The following RABL6 variants were observed in gnomAD, a reference collection of about 807,000 sequenced individuals.
RABL6 encodes rab-like protein 6.
A neutral mutation model predicts 72.9 loss-of-function variants in RABL6; 28 were observed. The ratio of observed to expected loss-of-function variants is 0.38; its 90% CI spans 0.28 to 0.53. The LOEUF is 0.53. RABL6 is among the 20% of genes least tolerant of loss of function. The pLI, the probability that RABL6 is intolerant of heterozygous loss-of-function variation, is 0.80. For missense variants in RABL6, 1,029 were observed against 1,008.4 expected (o/e 1.02, Z -0.28); for synonymous variants, 477 against 421.2 (o/e 1.13, Z -1.62).
chr9:136,817,001 CTGTA>C (rs1347245310), intron 1 of RABL6, among the ~76,000 whole-genome samples: 2 of 152,146 alleles, frequency 1.3e-5, no homozygotes, highest in African/African-American at 4.8e-5. Context: ...CTAGTCAAGA[CTGTA>C]TGCCCATGAT....
Position 136,839,741 on chromosome 9 carries a change from T to C in RABL6, c.1806T>C (p.Asp602=). 2 of 1,610,142 alleles carry C rather than the reference T, an allele frequency of 1.2e-6. No individual in the cohort carries two copies. The highest frequency in any genetic ancestry group is 1.7e-6 in the Non-Finnish European group (2 of 1,178,214). Reference sequence around the variant, plus strand: ...ACCCCTCCGATGTGACTGACGAGGATGAGGGCCCTGCCGAGCCGCCCCCAC... The same window carrying C: ...ACCCCTCCGATGTGACTGACGAGGACGAGGGCCCTGCCGAGCCGCCCCCAC... ...RDDPSDVTDE[D]EGPAEPPPPP... is the part of the protein sequence containing the mutation. The change falls in exon 13 of 15, where the codon GAT becomes GAC. Residue 602 remains aspartate (D), a synonymous_variant. Coordinates refer to ENST00000311502, the MANE Select transcript of RABL6 (RefSeq NM_024718.5).
Position 136,839,204 on chromosome 9 carries a change from C to T in RABL6, c.1494-18C>T. On this transcript the variant is annotated intron_variant, in intron 11 of 14. Transcript: ENST00000311502. ...CGCCTCCAGAGGACCCTGACTGACCCTCTGCTTGTCCACAAAGGTCCTCCA... is the reference window on the plus strand; with the variant it reads ...CGCCTCCAGAGGACCCTGACTGACCTTCTGCTTGTCCACAAAGGTCCTCCA... 3 of 1,594,842 alleles carry T rather than the reference C, an allele frequency of 1.9e-6. No individual in the cohort carries two copies. Among genetic ancestry groups the T allele is most frequent in the East Asian group, 2.3e-5 (1 of 44,052 alleles).
Position 136,840,953 on chromosome 9 carries a change from C to T in RABL6, c.*431C>T, listed in dbSNP as rs1005845322. The T allele has an allele frequency of 7.8e-5, 114 of 1,458,580 alleles. No individual in the cohort carries two copies. The highest frequency in any genetic ancestry group is 1.0e-4 in the African/African-American group (7 of 70,066). 90.4% of individuals were successfully genotyped at this position (1,458,580 alleles called of 1,614,324 possible). On this transcript the variant is annotated 3_prime_UTR_variant, in exon 15 of 15. Transcript: ENST00000311502. ...CGCAGCATGCCTATGGTTCCGCTTC[C>T]GGCCGGGAGCCCTGAACACGGGTGT...
intron 2 of RABL6, among the ~76,000 whole-genome samples, chr9:136,824,837 G>A (rs1445556651): frequency 1.3e-5 from 2 of 152,192 alleles, no homozygotes; most frequent in Admixed American, 6.5e-5. Context: ...GAGCCCACAG[G>A]GCCGGCGCAC....
intron 5 of RABL6, among the ~76,000 whole-genome samples, chr9:136,829,772 T>C (rs186601495): frequency 1.3e-5 from 2 of 152,248 alleles, no homozygotes; most frequent in African/African-American, 4.8e-5. Context: ...TGAAAACCCA[T>C]CTGAGACTTG....
At chr9:136,820,268 G>A (rs2131170868) in intron 1 of RABL6, among the ~76,000 whole-genome samples, 1 of 152,212 alleles carries the variant, frequency 6.6e-6, no homozygotes, top group East Asian at 1.9e-4. Context: ...GGGAGGCTAA[G>A]GTGGGAGGAT....
At chr9:136,821,884 G>C in intron 1 of RABL6, 1 of 1,272,696 alleles carries the variant, frequency 7.9e-7, no homozygotes, top group Non-Finnish European at 1.0e-6. Context: ...CCCCCAGCCG[G>C]TGCGGCCGCC....
intron 1 of RABL6, among the ~76,000 whole-genome samples, chr9:136,817,823 A>G (rs143584068): frequency 0.03 from 4,624 of 152,214 alleles, 88 homozygotes; most frequent in Non-Finnish European, 0.044. Context: ...GCACTTTGCG[A>G]GGCTGAGGCA....
intron 8 of RABL6, chr9:136,836,483 G>A (rs1038668995): frequency 6.6e-6 from 1 of 152,594 alleles, no homozygotes. Context: ...GAGCCCTGTG[G>A]GTCACCTTGG....
At position 136,837,392 on chromosome 9, in the gene RABL6, C is replaced by G; in HGVS notation, c.856C>G (p.Leu286Val). The G allele has an allele frequency of 6.2e-7, 1 of 1,600,726 alleles. No homozygotes were observed. Among genetic ancestry groups the G allele is most frequent in the Non-Finnish European group, 8.5e-7 (1 of 1,174,672 alleles). ...EARSRGHASPLAANGQSPSPG... is the reference protein window; with the variant it reads ...EARSRGHASPVAANGQSPSPG... The stretch of plus-strand genomic sequence containing the variant: ...TCGCAGCCGTGGCCATGCGTCCCCA[C>G]TGGCGGCCAACGGGCAGAGCCCATC... Residue 286 changes from leucine (L) to valine (V), a missense_variant, in exon 9 of 15, where the codon CTG becomes GTG. Leu to Val is a conservative substitution (Grantham distance 32, BLOSUM62 1). Coordinates refer to ENST00000311502, the MANE Select transcript of RABL6 (RefSeq NM_024718.5).
chr9:136,832,485 G>A (rs550762894), intron 7 of RABL6, 115 bp downstream of exon 7: 691 of 891,090 alleles, frequency 7.8e-4, no homozygotes, highest in Non-Finnish European at 9.9e-4. Context: ...GGACCTGCTC[G>A]GAGATTGGCT....
rs1848669382 is a variant in RABL6 at position 136,840,410 on chromosome 9, AGCGGCCCCC to A, written c.2082_2090del (p.Pro695_Arg697del). ...AAGGAGGAGCGGCGACGGCGGCAGC[AGCGGCCCCC>A]GCGCAGCAGGGAGAGGACGGCTGCC... is the stretch of plus-strand genomic sequence containing the variant. On this transcript the variant is annotated inframe_deletion, in exon 15 of 15. Transcript: ENST00000311502. 14 of 1,550,548 alleles carry A rather than the reference AGCGGCCCCC, an allele frequency of 9.0e-6. No individual in the cohort carries two copies. The East Asian group carries it at 3.4e-4, about 38-fold the overall frequency.
intron 5 of RABL6, among the ~76,000 whole-genome samples, chr9:136,830,156 G>C (rs555789469): frequency 3.2e-4 from 49 of 152,358 alleles, no homozygotes; most frequent in African/African-American, 1.1e-3. Context: ...CAGCATGCCC[G>C]ACACGTCCAG....
intron 1 of RABL6, among the ~76,000 whole-genome samples, chr9:136,823,132 A>G (rs962034645): frequency 8.7e-5 from 13 of 149,352 alleles, no homozygotes; most frequent in Admixed American, 6.0e-4. Context: ...AAACCTGGTT[A>G]GGAGCAATCC....
intron 1 of RABL6, chr9:136,814,062 G>T: frequency 2.6e-6 from 1 of 381,036 alleles, no homozygotes. Context: ...TCAAACCAGC[G>T]AGTTCCAAGG....
chr9:136,817,484 TGGCTGAGGGGAGGCCGACGTG>T (rs1564360261), intron 1 of RABL6, among the ~76,000 whole-genome samples: 10 of 118,576 alleles, frequency 8.4e-5, no homozygotes, highest in South Asian at 5.6e-4. Context: ...AGCAAACCTG[TGGCTGAGGGGAGGCCGACGTG>T]GGCTGAGGGG....
At chr9:136,832,554 G>T (rs1054784064) in intron 7 of RABL6, 184 bp downstream of exon 7, 15 of 693,686 alleles carry the variant, frequency 2.2e-5, no homozygotes, top group Non-Finnish European at 3.5e-5. Context: ...GAGGGTACAG[G>T]GTCCTGAGGG....
chr9:136,825,109 G>A (rs1848324577), intron 2 of RABL6, among the ~76,000 whole-genome samples: 1 of 152,224 alleles, frequency 6.6e-6, no homozygotes, highest in Non-Finnish European at 1.5e-5. Context: ...CAGGAGGAGT[G>A]GTTGGCACCA....
intron 2 of RABL6, among the ~76,000 whole-genome samples, chr9:136,824,507 T>G (rs986484804): frequency 6.6e-6 from 1 of 151,848 alleles, no homozygotes; most frequent in African/African-American, 2.4e-5. Flanking sequence ...TTATTTGTAT[T>G]TTTAGTAGAG....
Sources: allele counts gnomAD v4.1 joint callset (sites outside exome capture counted in the v4.1 genomes callset), GRCh38; gene constraint gnomAD v4.1.1; transcripts MANE v1.5; gene names NCBI Gene and HGNC (gene_info 2026-07-23, HGNC 2026-07-21).